RERE: variants seen among roughly 807,000 people sequenced by gnomAD.
RERE encodes arginine-glutamic acid dipeptide repeats, also known as arginine-glutamic acid dipeptide repeats protein.
Under a neutral mutation model 146.1 loss-of-function variants are expected in RERE, and 40 were observed. The ratio of observed to expected loss-of-function variants is 0.27; its 90% confidence interval spans 0.21 to 0.36. RERE has a LOEUF of 0.36. Among genes scored for constraint, RERE ranks in the 10% least tolerant of loss-of-function variants. The probability of loss-of-function intolerance (pLI) is 1.00; values close to 1 mark genes in which losing one functional copy is unlikely to be tolerated. For synonymous variants in RERE, 1,003 were observed against 866.0 expected (o/e 1.16, Z -2.78); for missense variants, 1,933 against 2,138.7 (o/e 0.90, Z 1.90).
intron 22 of RERE, 106 bp from the exon 23 acceptor site, chr1:8,355,226 C>A: frequency 3.2e-6 from 4 of 1,267,170 alleles, no homozygotes; most frequent in Non-Finnish European, 4.6e-6. Flanking sequence ...CAACCCCAAG[C>A]CCGCAGCCTC....
intron 6 of RERE, among the ~76,000 whole-genome samples, 171 bp from the exon 7 acceptor site, chr1:8,541,489 T>C (rs538392887): frequency 6.6e-6 from 1 of 152,350 alleles, no homozygotes; most frequent in Admixed American, 6.5e-5. Flanking sequence ...TGCTTCACTG[T>C]ACACCTGTGT....
intron 4 of RERE, among the ~76,000 whole-genome samples, chr1:8,609,559 T>C (rs912557191): frequency 6.6e-6 from 1 of 152,156 alleles, no homozygotes; most frequent in African/African-American, 2.4e-5. Flanking sequence ...ATTTTTGGCA[T>C]ACTTAATGGG....
At chr1:8,462,061 C>T (rs1042448534) in intron 11 of RERE, among the ~76,000 whole-genome samples, 2 of 152,074 alleles carry the variant, frequency 1.3e-5, no homozygotes, top group African/African-American at 2.4e-5. Context: ...GCTGTGTTGA[C>T]CAGGCTCCAA....
At chr1:8,429,100 G>A (rs926200232) in intron 11 of RERE, among the ~76,000 whole-genome samples, 73 of 152,310 alleles carry the variant, frequency 4.8e-4, no homozygotes, top group African/African-American at 1.5e-3. Flanking sequence ...TGAACACTGA[G>A]CGCTATAACG....
chr1:8,498,871 C>G (rs951505677), intron 8 of RERE, among the ~76,000 whole-genome samples: 1 of 151,564 alleles, frequency 6.6e-6, no homozygotes, highest in African/African-American at 2.4e-5. Context: ...TCTGGGATGA[C>G]AGAAATGTTC....
At chr1:8,507,339 G>C (rs1645264495) in intron 8 of RERE, among the ~76,000 whole-genome samples, 1 of 152,190 alleles carries the variant, frequency 6.6e-6, no homozygotes, top group Admixed American at 6.6e-5. Flanking sequence ...ATAAGAAAGA[G>C]CAACAGTCGT....
In RERE at chr1:8,480,723, A is replaced by G. The variant is rs577897438; in HGVS notation, c.1104+14340T>C. 2.4e-3 allele frequency among the ~76,000 whole-genome samples: 366 copies of G among 152,348 alleles called. 2 individuals are homozygous for G. Among genetic ancestry groups the G allele is most frequent in the African/African-American group, 8.4e-3 (348 of 41,574 alleles). On this transcript the variant is annotated intron_variant, in intron 10 of 22. Transcript: ENST00000400908. The stretch of plus-strand genomic sequence containing the variant: ...AATGCTGGGATTACAGGCACGAGCC[A>G]CCGCATCCGGCCTAAGCCTGTTTTT...
At chr1:8,495,284 A>T in intron 9 of RERE, 122 bp from the exon 10 acceptor site, 1 of 667,534 alleles carries the variant, frequency 1.5e-6, no homozygotes, top group Non-Finnish European at 2.6e-6. Context: ...CGCATGATGA[A>T]CCAGTTCCCA....
chr1:8,381,612 A>C (rs776634166), intron 12 of RERE, among the ~76,000 whole-genome samples: 9 of 152,256 alleles, frequency 5.9e-5, no homozygotes, highest in Non-Finnish European at 1.0e-4. Context: ...TTATCTGTAC[A>C]TTAAAGTAAA....
rs58064164 is a variant in RERE, at chr1:8,516,227, G to GAAAAAAAAAAAAAAAA, written c.831-7568_831-7553dup. ...GGGACGGAGCAAGACTCTCTCAGAG[G>GAAAAAAAAAAAAAAAA]AAAAAAAAAAAAAAAAAAAAAATCT... On this transcript the variant is annotated intron_variant, in intron 7 of 22. Transcript: ENST00000400908. Among the ~76,000 whole-genome samples the GAAAAAAAAAAAAAAAA allele has an allele frequency of 9.2e-4, 48 of 52,304 alleles. 2 individuals carry two copies. The highest frequency in any genetic ancestry group is 1.5e-3 in the African/African-American group (17 of 11,624). The allele number at this position is 52,304 out of a possible 152,430, so 34.3% of individuals were successfully genotyped here. A position where few individuals can be genotyped will look rare whatever the true frequency, so the allele number is the denominator to read the frequency against.
chr1:8,599,215 G>A (rs528193692), intron 4 of RERE, among the ~76,000 whole-genome samples: 5 of 152,282 alleles, frequency 3.3e-5, no homozygotes, highest in African/African-American at 1.2e-4. Flanking sequence ...GAGATGGGCT[G>A]TTTTTCTTTT....
Position 8,762,455 on chromosome 1 carries a change from AT to A in RERE, c.-145+54704del, listed in dbSNP as rs1640773268. Among the ~76,000 whole-genome samples, 3 of 152,166 alleles carry A rather than the reference AT, an allele frequency of 2.0e-5. No homozygotes were observed. The South Asian group carries it at 6.2e-4, about 32-fold the overall frequency. ...ACAAGAACTTGTGCCCATTTACTTA[AT>A]TTTTTTAAAACATACAAATTGTGAA... is the stretch of plus-strand genomic sequence containing the variant. On this transcript the variant is annotated intron_variant, in intron 1 of 22. Transcript: ENST00000400908.
rs532387664 is a variant in RERE, at chr1:8,753,493, T to C, written c.-145+63667A>G. The C allele has an allele frequency of 1.0e-3, 153 of 152,332 alleles. 1 individual carries two copies. The highest frequency in any genetic ancestry group is 3.5e-3 in the African/African-American group (145 of 41,578). 9.4% of individuals were successfully genotyped at this position (152,332 alleles called of 1,614,324 possible). On this transcript the variant is annotated intron_variant, in intron 1 of 22. Transcript: ENST00000400908. ...GAAATTAAAAGAAGTTTGCCTTCTA[T>C]TTGACGGATTTTAAAAGATTTTAAA...
rs548761419 is a variant in RERE, at chr1:8,579,883, A to C, written c.523-22360T>G. Among the ~76,000 whole-genome samples the C allele has an allele frequency of 5.3e-5, 8 of 152,338 alleles. No homozygotes were observed. The South Asian group carries it at 1.7e-3, about 32-fold the overall frequency. On this transcript the variant is annotated intron_variant, in intron 4 of 22. Coordinates refer to ENST00000400908, the MANE Select transcript of RERE (RefSeq NM_001042681.2). ...GTTGGGCGTGGTGGCGCATGCCTGT[A>C]ATCCCAGCTACATGGGAGGCTGAGA...
At chr1:8,786,636 CACACCATTG>C (rs1279097482) in intron 1 of RERE, 1 of 769,522 alleles carries the variant, frequency 1.3e-6, no homozygotes, top group Admixed American at 1.7e-5. Flanking sequence ...CCTCTGGGCT[CACACCATTG>C]GCACCTCTGG....
Position 8,360,329 on chromosome 1 carries a change from C to T in RERE, c.3178G>A (p.Ala1060Thr), listed in dbSNP as rs374275905. ...GGCTGGGCCGAGGTGCCAGGTCCCG[C>T]CGGTGGGGTAGAGGTGGAGGGGCAG... ...PTCPSTSTPP[A>T]GPGTSAQPPC... Residue 1060 changes from alanine (A) to threonine (T), a missense_variant, in exon 18 of 23, where the codon GCG becomes ACG. Ala to Thr is a moderately conservative substitution (Grantham distance 58). Around this residue, in one of 11 missense-constraint regions of RERE, gnomAD observed 1,255 missense variants for 1,153.8 expected, o/e 1.09. Transcript: ENST00000400908. 6.6e-7 allele frequency: 1 copy of T among 1,523,622 alleles called. No individual in the cohort carries two copies. Among genetic ancestry groups the T allele is most frequent in the South Asian group, 1.2e-5 (1 of 80,622 alleles). The allele number at this position is 1,523,622 out of a possible 1,614,324, so 94.4% of individuals were successfully genotyped here. A position where few individuals can be genotyped will look rare whatever the true frequency, so the allele number is the denominator to read the frequency against.
At chr1:8,590,160 T>C (rs1460802803) in intron 4 of RERE, among the ~76,000 whole-genome samples, 1 of 152,030 alleles carries the variant, frequency 6.6e-6, no homozygotes, top group African/African-American at 2.4e-5. Context: ...ACCAACAAGG[T>C]AATTTCAGAT....
intron 1 of RERE, among the ~76,000 whole-genome samples, chr1:8,704,177 T>G (rs575440028): frequency 6.6e-6 from 1 of 152,354 alleles, no homozygotes; most frequent in South Asian, 2.1e-4. Flanking sequence ...ACTAATTTCT[T>G]ACCCACCCAC....
chr1:8,754,998 A>G (rs1640607923), intron 1 of RERE, among the ~76,000 whole-genome samples: 1 of 152,262 alleles, frequency 6.6e-6, no homozygotes, highest in African/African-American at 2.4e-5. Flanking sequence ...AAGCAAAAAT[A>G]AGAATAGACT....
Sources: gnomAD v4.1 joint callset for allele counts (sites outside exome capture counted in the v4.1 genomes callset) on GRCh38, gnomAD v4.1.1 for gene constraint, gnomAD v4.1.1 regional missense constraint, MANE v1.5 for transcripts, NCBI Gene and HGNC (gene_info 2026-07-23, HGNC 2026-07-21) for gene names.